Variants in FHOD3 observed in about 807,000 individuals in gnomAD.
FHOD3 encodes formin homology 2 domain containing 3.
In FHOD3, 90 loss-of-function variants were observed where a neutral mutation model predicts 173.0. The observed-to-expected ratio is 0.52, with a 90% CI of 0.44 to 0.62. The LOEUF (loss-of-function observed/expected upper bound fraction) is 0.62. Ranked by LOEUF, FHOD3 falls within the 20% of genes least tolerant of loss-of-function variation. The pLI is 0.00. For missense variants in FHOD3, 1,945 were observed against 2,034.7 expected, an observed-to-expected ratio of 0.96 and a Z score of 0.85; for synonymous variants, 828 against 823.0, an observed-to-expected ratio of 1.01 and a Z score of -0.10.
intron 23 of FHOD3, 86 bp downstream of exon 23, chr18:36,744,279 A>T (rs538929533): frequency 1.4e-6 from 2 of 1,384,816 alleles, no homozygotes; most frequent in Non-Finnish European, 2.0e-6. Flanking sequence ...CACGAGCCCT[A>T]TTAAGTAAAA....
At chr18:36,471,084 A>G (rs2053258000) in intron 3 of FHOD3, among the ~76,000 whole-genome samples, 1 of 152,182 alleles carries the variant, frequency 6.6e-6, no homozygotes, top group South Asian at 2.1e-4. Context: ...TAATGATGCA[A>G]ATGCAGCTGT....
intron 14 of FHOD3, among the ~76,000 whole-genome samples, chr18:36,664,879 A>G (rs617207): frequency 0.74 from 111,299 of 151,344 alleles, 41,102 homozygotes; most frequent in African/African-American, 0.79. Context: ...GCTCATGCCT[A>G]TAATCCCAGC....
intron 27 of FHOD3, among the ~76,000 whole-genome samples, chr18:36,761,493 T>A (rs2042875849): frequency 6.6e-6 from 1 of 152,176 alleles, no homozygotes; most frequent in Non-Finnish European, 1.5e-5. Flanking sequence ...AGGCCCCCTG[T>A]AGGCAGGTCC....
chr18:36,298,052 G>A (rs951448096), intron 1 of FHOD3, 52 bp downstream of exon 1: 2 of 1,402,316 alleles, frequency 1.4e-6, no homozygotes, highest in African/African-American at 1.5e-5. Context: ...CCCTGCCGCG[G>A]TGCGCGCCGG....
chr18:36,658,533 G>A (rs950804918), intron 14 of FHOD3, among the ~76,000 whole-genome samples: 4 of 152,164 alleles, frequency 2.6e-5, no homozygotes, highest in Admixed American at 2.6e-4. Context: ...ATACACATCA[G>A]TTTTCACCAT....
At chr18:36,412,251 T>A (rs1385483319) in intron 3 of FHOD3, among the ~76,000 whole-genome samples, 1 of 152,204 alleles carries the variant, frequency 6.6e-6, no homozygotes, top group Non-Finnish European at 1.5e-5. Flanking sequence ...TCCGTATGAA[T>A]GCAAGTCCCT....
At position 36,700,407 on chromosome 18, in the gene FHOD3, C is replaced by T. The variant is rs1321531396; in HGVS notation, c.2236+6984C>T. Among the ~76,000 whole-genome samples, 4 of 152,202 alleles carry T rather than the reference C, an allele frequency of 2.6e-5. No individual in the cohort carries two copies. In the East Asian group the frequency reaches 7.7e-4, roughly 29 times the overall value. ...CCGAAACCTGCTTATATTTTCTAGT[C>T]CCCACCTGGTTAAGGCTATCTCTCG... On this transcript the variant is annotated intron_variant, in intron 17 of 28. Transcript: ENST00000590592.
chr18:36,568,264 G>A (rs1367523198), intron 5 of FHOD3, among the ~76,000 whole-genome samples: 2 of 144,744 alleles, frequency 1.4e-5, no homozygotes, highest in Non-Finnish European at 3.0e-5. Flanking sequence ...CTTGAACCGG[G>A]GAGGCAGAGT....
At chr18:36,461,987 C>A (rs1315362776) in intron 3 of FHOD3, among the ~76,000 whole-genome samples, 1 of 152,196 alleles carries the variant, frequency 6.6e-6, no homozygotes, top group Non-Finnish European at 1.5e-5. Flanking sequence ...AGATAACTTT[C>A]AGGTCTAAGA....
chr18:36,710,603 G>C (rs1051496241), intron 18 of FHOD3: 1 of 152,028 alleles, frequency 6.6e-6, no homozygotes, highest in Non-Finnish European at 1.5e-5. Flanking sequence ...TTATATTGCT[G>C]GTCACTATGA....
At chr18:36,519,312 C>T (rs1009166301) in intron 5 of FHOD3, among the ~76,000 whole-genome samples, 2 of 152,208 alleles carry the variant, frequency 1.3e-5, no homozygotes, top group Non-Finnish European at 2.9e-5. Flanking sequence ...CTGCATTTCT[C>T]ACAGGAGGGA....
chr18:36,707,827 G>A (rs1357672096), intron 17 of FHOD3, among the ~76,000 whole-genome samples: 1 of 152,222 alleles, frequency 6.6e-6, no homozygotes, highest in Non-Finnish European at 1.5e-5. Context: ...CCTGCCATGC[G>A]TAGACCCTGC....
At chr18:36,427,424 T>C (rs1599072933) in intron 3 of FHOD3, among the ~76,000 whole-genome samples, 1 of 152,048 alleles carries the variant, frequency 6.6e-6, no homozygotes, top group Non-Finnish European at 1.5e-5. Flanking sequence ...TCTCCATCCC[T>C]GAATGCTGTG....
intron 3 of FHOD3, among the ~76,000 whole-genome samples, chr18:36,423,185 T>G (rs1013991701): frequency 6.6e-6 from 1 of 152,284 alleles, no homozygotes. Context: ...AATTCAAAAT[T>G]TTTAAGTAAT....
At chr18:36,638,829 C>T (rs941875610) in intron 10 of FHOD3, among the ~76,000 whole-genome samples, 22 of 152,174 alleles carry the variant, frequency 1.4e-4, no homozygotes, top group Admixed American at 9.2e-4. Flanking sequence ...TGCTGGACCT[C>T]CCAAGACCAC....
intron 20 of FHOD3, among the ~76,000 whole-genome samples, chr18:36,736,125 G>A (rs1301246565): frequency 6.6e-6 from 1 of 152,210 alleles, no homozygotes; most frequent in African/African-American, 2.4e-5. Context: ...TAGGGAGTGG[G>A]AGCACACAGG....
At chr18:36,507,847 G>A (rs1355016176) in intron 4 of FHOD3, among the ~76,000 whole-genome samples, 1 of 152,082 alleles carries the variant, frequency 6.6e-6, no homozygotes, top group Non-Finnish European at 1.5e-5. Flanking sequence ...TATGCCAGCA[G>A]AAGGCCATGC....
chr18:36,559,457 G>A (rs114574083), intron 5 of FHOD3, among the ~76,000 whole-genome samples: 173 of 152,164 alleles, frequency 1.1e-3, no homozygotes, highest in African/African-American at 3.8e-3. Context: ...TGAATAATAG[G>A]CTTCATTTGC....
chr18:36,571,085 C>G (rs2058435575), intron 5 of FHOD3, among the ~76,000 whole-genome samples: 1 of 152,038 alleles, frequency 6.6e-6, no homozygotes, highest in Non-Finnish European at 1.5e-5. Flanking sequence ...TTTTCACAAA[C>G]AGCATTATTG....
Sources: allele counts gnomAD v4.1 joint callset (sites outside exome capture counted in the v4.1 genomes callset), GRCh38; gene constraint gnomAD v4.1.1; transcripts MANE v1.5; gene names NCBI Gene and HGNC (gene_info 2026-07-23, HGNC 2026-07-21).